CTNNA3: variants seen among roughly 807,000 people sequenced by gnomAD.
CTNNA3 encodes the protein catenin alpha 3, also known as catenin alpha-3.
In CTNNA3, 76 loss-of-function variants were observed where a neutral mutation model predicts 95.7. The observed-to-expected ratio is 0.79, with a 90% confidence interval of 0.66 to 0.96. CTNNA3 has a LOEUF of 0.96. CTNNA3 is among the 40% of genes least tolerant of loss of function. CTNNA3 has a pLI of 0.00. For synonymous variants in CTNNA3, 431 were observed against 374.4 expected (o/e 1.15, Z -1.74); for missense variants, 1,191 against 1,089.8 (o/e 1.09, Z -1.31).
chr10:66,413,152 G>A (rs1439163398), intron 11 of CTNNA3, among the ~76,000 whole-genome samples: 4 of 152,090 alleles, frequency 2.6e-5, no homozygotes, highest in African/African-American at 4.8e-5. Flanking sequence ...TATGTAGTTA[G>A]CACAAGTCTT....
intron 7 of CTNNA3, among the ~76,000 whole-genome samples, chr10:66,969,362 C>G (rs556271314): frequency 6.6e-6 from 1 of 151,956 alleles, no homozygotes; most frequent in African/African-American, 2.4e-5. Flanking sequence ...GTTTTAATGG[C>G]CTCATATCGT....
chr10:66,663,084 G>T (rs898169296), intron 9 of CTNNA3, among the ~76,000 whole-genome samples: 2 of 151,934 alleles, frequency 1.3e-5, no homozygotes, highest in African/African-American at 4.8e-5. Flanking sequence ...CACCTTAATT[G>T]CTGTATGAGT....
chr10:66,449,323 G>T (rs896608236), intron 11 of CTNNA3, among the ~76,000 whole-genome samples: 11 of 152,040 alleles, frequency 7.2e-5, no homozygotes, highest in Admixed American at 6.6e-4. Context: ...AATCTGTAAT[G>T]TATGTAGATG....
chr10:66,136,062 T>C (rs1002384317), intron 13 of CTNNA3, among the ~76,000 whole-genome samples: 4 of 151,946 alleles, frequency 2.6e-5, no homozygotes, highest in Non-Finnish European at 5.9e-5. Context: ...CCACCACGCC[T>C]GGCTAATTTT....
At chr10:65,981,715 T>C (rs2078322949) in intron 16 of CTNNA3, among the ~76,000 whole-genome samples, 1 of 151,904 alleles carries the variant, frequency 6.6e-6, no homozygotes, top group African/African-American at 2.4e-5. Context: ...TGAAATGATC[T>C]TTGCAAAGTA....
Position 66,438,959 on chromosome 10 carries a change from C to T in CTNNA3, c.1532-59607G>A, listed in dbSNP as rs571394969. On this transcript the variant is annotated intron_variant, in intron 11 of 17. Transcript: ENST00000433211. ...TGGCTAGGGGAGGGAGTTACCTGAC[C>T]CCTTACACTTCCCGGGTGAGGTGAT... 3.9e-5 allele frequency among the ~76,000 whole-genome samples: 6 copies of T among 152,202 alleles called. No individual in the cohort carries two copies. In the South Asian group the frequency reaches 6.2e-4, roughly 16 times the overall value.
chr10:66,636,510 A>G (rs1400780286), intron 9 of CTNNA3, among the ~76,000 whole-genome samples: 2 of 152,104 alleles, frequency 1.3e-5, no homozygotes, highest in Non-Finnish European at 2.9e-5. Context: ...CCATAATTAG[A>G]GCAAACCAAC....
chr10:66,267,581 G>T (rs977865714), intron 13 of CTNNA3, among the ~76,000 whole-genome samples: 1 of 152,098 alleles, frequency 6.6e-6, no homozygotes, highest in Non-Finnish European at 1.5e-5. Flanking sequence ...ACTCAACCAT[G>T]TTTGCGTTCT....
intron 15 of CTNNA3, among the ~76,000 whole-genome samples, chr10:66,016,633 T>C (rs2079101439): frequency 6.6e-6 from 1 of 152,172 alleles, no homozygotes; most frequent in Admixed American, 6.5e-5. Context: ...TTTTTAAAAA[T>C]TCTATTCATT....
chr10:67,655,622 C>G (rs1839999958), intron 1 of CTNNA3, among the ~76,000 whole-genome samples: 1 of 151,982 alleles, frequency 6.6e-6, no homozygotes, highest in Admixed American at 6.6e-5. Flanking sequence ...TGGTGAAACC[C>G]CATCTCTACT....
chr10:66,264,808 T>TA (rs1334340470), intron 13 of CTNNA3, among the ~76,000 whole-genome samples: 1 of 151,940 alleles, frequency 6.6e-6, no homozygotes. Flanking sequence ...TCCAATAACA[T>TA]ACTTCCTATG....
intron 7 of CTNNA3, among the ~76,000 whole-genome samples, chr10:66,979,571 C>A (rs765768356): frequency 2.0e-5 from 3 of 152,008 alleles, no homozygotes; most frequent in African/African-American, 4.8e-5. Flanking sequence ...TCTGGCCATG[C>A]GACCTGGAAG....
At chr10:67,572,000 T>C (rs1256999340) in intron 3 of CTNNA3, among the ~76,000 whole-genome samples, 2 of 152,216 alleles carry the variant, frequency 1.3e-5, no homozygotes, top group Admixed American at 6.5e-5. Context: ...ATTTAGTATC[T>C]GAATTCAGAT....
chr10:67,110,608 C>A (rs368259563), intron 7 of CTNNA3, among the ~76,000 whole-genome samples: 7 of 152,230 alleles, frequency 4.6e-5, no homozygotes, highest in African/African-American at 1.7e-4. Context: ...CTTAGATGAT[C>A]TCTATCTTTC....
intron 5 of CTNNA3, among the ~76,000 whole-genome samples, chr10:67,435,131 C>T (rs1404504776): frequency 6.6e-6 from 1 of 151,934 alleles, no homozygotes; most frequent in East Asian, 1.9e-4. Flanking sequence ...TTATTTGTAA[C>T]TAGTGCTCAG....
intron 2 of CTNNA3, among the ~76,000 whole-genome samples, chr10:67,615,399 T>C (rs1843617803): frequency 6.6e-6 from 1 of 152,182 alleles, no homozygotes; most frequent in Non-Finnish European, 1.5e-5. Flanking sequence ...CACTTACTCC[T>C]GGATAAATAT....
chr10:67,530,993 C>T (rs2133182560), intron 4 of CTNNA3, among the ~76,000 whole-genome samples: 1 of 152,350 alleles, frequency 6.6e-6, no homozygotes, highest in Non-Finnish European at 1.5e-5. Context: ...GGTATTGAGC[C>T]TGCAAGTGCA....
chr10:67,170,207 T>C (rs1405126737), intron 7 of CTNNA3, among the ~76,000 whole-genome samples: 2 of 152,184 alleles, frequency 1.3e-5, no homozygotes, highest in African/African-American at 4.8e-5. Context: ...TGGAAAGCAG[T>C]ATGGTAATTC....
chr10:67,489,805 T>TATATATATAC (rs927605119), intron 5 of CTNNA3, among the ~76,000 whole-genome samples: 4 of 148,968 alleles, frequency 2.7e-5, no homozygotes, highest in African/African-American at 7.5e-5. Context: ...TATATATATA[T>TATATATATAC]ACACACATTA....
Sources: gnomAD v4.1 joint callset for allele counts (sites outside exome capture counted in the v4.1 genomes callset) on GRCh38, gnomAD v4.1.1 for gene constraint, MANE v1.5 for transcripts, NCBI Gene and HGNC (gene_info 2026-07-23, HGNC 2026-07-21) for gene names.